Variants in TTC6 observed in about 807,000 individuals in gnomAD.
The protein encoded by TTC6 is tetratricopeptide repeat protein 6.
A neutral mutation model predicts 210.4 loss-of-function variants in TTC6; 172 were observed. The observed-to-expected ratio is 0.82, with a 90% CI of 0.72 to 0.93. The LOEUF (loss-of-function observed/expected upper bound fraction) is 0.93, where lower values mean the gene tolerates loss of function less well. TTC6 is among the 40% of genes least tolerant of loss of function. The pLI is 0.00. For missense variants in TTC6, 2,414 were observed against 2,318.1 expected, an observed-to-expected ratio of 1.04 and a Z score of -0.85; for synonymous variants, 804 against 819.6, an observed-to-expected ratio of 0.98 and a Z score of 0.32.
At chr14:37,718,400 G>A (rs557181567) in intron 6 of TTC6, among the ~76,000 whole-genome samples, 6 of 152,194 alleles carry the variant, frequency 3.9e-5, no homozygotes, top group Non-Finnish European at 8.8e-5. Flanking sequence ...CAGAAAAGTA[G>A]GAATAGAGGG....
At chr14:37,629,068 A>G (rs929184250) in intron 1 of TTC6, among the ~76,000 whole-genome samples, 17 of 152,172 alleles carry the variant, frequency 1.1e-4, no homozygotes, top group African/African-American at 4.1e-4. Flanking sequence ...CTTTTTGCTT[A>G]GGATTGTCTT....
chr14:37,770,691 G>A (rs201877207), intron 14 of TTC6, among the ~76,000 whole-genome samples: 26,713 of 149,380 alleles, frequency 0.18, 2,537 homozygotes, highest in East Asian at 0.33. Context: ...TTGAGCCTAT[G>A]TGTGTCTCTG....
chr14:37,812,074 G>A (rs1345287551), intron 24 of TTC6, among the ~76,000 whole-genome samples: 2 of 152,198 alleles, frequency 1.3e-5, no homozygotes, highest in African/African-American at 4.8e-5. Flanking sequence ...AGGGTGACTT[G>A]TAGGTAAAAC....
At chr14:37,725,333 T>TAC in intron 7 of TTC6, among the ~76,000 whole-genome samples, 1 of 94,334 alleles carries the variant, frequency 1.1e-5, no homozygotes, top group South Asian at 3.5e-4. Flanking sequence ...TATATATATA[T>TAC]ATATATATAT....
At chr14:37,709,506 T>C (rs554266758) in intron 5 of TTC6, among the ~76,000 whole-genome samples, 2 of 152,188 alleles carry the variant, frequency 1.3e-5, no homozygotes, top group Non-Finnish European at 2.9e-5. Context: ...TGTATTTCTG[T>C]TTTTACTTGG....
At chr14:37,650,617 T>C (rs1054893242) in intron 1 of TTC6, among the ~76,000 whole-genome samples, 1 of 152,200 alleles carries the variant, frequency 6.6e-6, no homozygotes. Context: ...CTCTAAAGCC[T>C]TTTTTGCTTA....
chr14:37,715,710 A>C (rs1331069522), intron 6 of TTC6, among the ~76,000 whole-genome samples: 1 of 152,178 alleles, frequency 6.6e-6, no homozygotes, highest in East Asian at 1.9e-4. Flanking sequence ...CAAGTGCTGG[A>C]AGAAAACAAC....
At chr14:37,786,590 T>C (rs924742597) in intron 14 of TTC6, among the ~76,000 whole-genome samples, 2 of 152,206 alleles carry the variant, frequency 1.3e-5, no homozygotes, top group Non-Finnish European at 2.9e-5. Context: ...AGGCGGTGCC[T>C]GGCCCTGCTT....
intron 14 of TTC6, among the ~76,000 whole-genome samples, chr14:37,760,887 G>T (rs7154108): frequency 0.23 from 35,537 of 152,070 alleles, 4,977 homozygotes; most frequent in Non-Finnish European, 0.31. Flanking sequence ...ATCATCCCAG[G>T]TCGACTTCAG....
Position 37,680,242 on chromosome 14 carries a change from G to A in TTC6, c.1031G>A (p.Gly344Asp), listed in dbSNP as rs1357915187. 3.9e-6 allele frequency: 6 copies of A among 1,530,554 alleles called. No homozygotes were observed. In the Admixed American group the frequency reaches 1.2e-4, roughly 31 times the overall value. 94.8% of individuals were successfully genotyped at this position (1,530,554 alleles called of 1,614,324 possible). A position where few individuals can be genotyped will look rare whatever the true frequency, so the allele number is the denominator to read the frequency against. Residue 344 changes from glycine (G) to aspartate (D), a missense_variant, in exon 2 of 31, where the codon GGT becomes GAT. Coordinates refer to ENST00000553443, the Ensembl canonical transcript of TTC6. ...CAAGCAGAGTATAAATTCCAGATGGGTGCTGAGGAATCGCAAATGGTAAAG... is the reference window on the plus strand; with the variant it reads ...CAAGCAGAGTATAAATTCCAGATGGATGCTGAGGAATCGCAAATGGTAAAG...
intron 29 of TTC6, among the ~76,000 whole-genome samples, chr14:37,841,067 C>T (rs2096209002): frequency 6.6e-6 from 1 of 152,102 alleles, no homozygotes. Flanking sequence ...TGGGGTTTCC[C>T]CATGTTGGCT....
At chr14:37,798,719 G>A (rs1407524282) in intron 20 of TTC6, among the ~76,000 whole-genome samples, 2 of 151,564 alleles carry the variant, frequency 1.3e-5, no homozygotes, top group African/African-American at 4.8e-5. Flanking sequence ...ATGAAGTTTG[G>A]GATTGATTTT....
chr14:37,726,194 T>C (rs71407730), intron 7 of TTC6, among the ~76,000 whole-genome samples: 8,670 of 152,212 alleles, frequency 0.057, 380 homozygotes, highest in Non-Finnish European at 0.089. Flanking sequence ...AGGCAGCTTA[T>C]GAAAACACAT....
intron 1 of TTC6, among the ~76,000 whole-genome samples, chr14:37,650,633 T>A (rs555442761): frequency 6.6e-6 from 1 of 152,224 alleles, no homozygotes; most frequent in Non-Finnish European, 1.5e-5. Flanking sequence ...GCTTACATCC[T>A]GCTTCTTGTC....
intron 23 of TTC6, 31 bp from the exon 26 acceptor site, chr14:37,808,702 C>T: frequency 1.8e-6 from 2 of 1,123,008 alleles, no homozygotes; most frequent in South Asian, 1.6e-5. Flanking sequence ...TATGATTTTC[C>T]TTTCTCACAT....
At chr14:37,823,689 T>C in intron 26 of TTC6, 58 bp from the exon 29 acceptor site, 14 of 1,451,106 alleles carry the variant, frequency 9.6e-6, no homozygotes, top group Non-Finnish European at 1.3e-5. Context: ...AAACATTGTA[T>C]ATGTCACCAG....
chr14:37,710,627 C>A (rs1379464898), intron 5 of TTC6, among the ~76,000 whole-genome samples: 1 of 152,140 alleles, frequency 6.6e-6, no homozygotes, highest in Non-Finnish European at 1.5e-5. Flanking sequence ...ACATTTGACT[C>A]TGAAAAACTC....
intron 4 of TTC6, 53 bp downstream of exon 6, chr14:37,696,888 C>A: frequency 2.9e-6 from 2 of 693,974 alleles, no homozygotes; most frequent in South Asian, 4.0e-5. Flanking sequence ...TATTCAGTAG[C>A]ATAGAGACAT....
intron 12 of TTC6, among the ~76,000 whole-genome samples, chr14:37,750,264 A>C (rs2139027437): frequency 6.6e-6 from 1 of 152,250 alleles, no homozygotes; most frequent in Middle Eastern, 3.4e-3. Context: ...CCTCCAACCA[A>C]CTTGAAGCAC....
Sources: allele counts gnomAD v4.1 joint callset (sites outside exome capture counted in the v4.1 genomes callset), GRCh38; gene constraint gnomAD v4.1.1; transcripts MANE v1.5; gene names NCBI Gene and HGNC (gene_info 2026-07-23, HGNC 2026-07-21).